Variants in RPH3A observed in about 807,000 individuals in gnomAD.
The protein encoded by RPH3A is rabphilin 3A.
In RPH3A, 48 loss-of-function variants were observed where a neutral mutation model predicts 102.2. The ratio of observed to expected loss-of-function variants is 0.47; its 90% CI spans 0.37 to 0.60. The LOEUF (loss-of-function observed/expected upper bound fraction) is 0.60. Ranked by LOEUF, RPH3A falls within the 20% of genes least tolerant of loss-of-function variation. The pLI, the probability that RPH3A is intolerant of heterozygous loss-of-function variation, is 0.00. For synonymous variants in RPH3A, 310 were observed against 324.3 expected (o/e 0.96, Z 0.47); for missense variants, 781 against 910.1 (o/e 0.86, Z 1.83).
intron 4 of RPH3A, among the ~76,000 whole-genome samples, chr12:112,847,239 C>T (rs779222761): frequency 1.3e-5 from 2 of 152,186 alleles, no homozygotes; most frequent in Non-Finnish European, 2.9e-5. Context: ...GAATTCTAGA[C>T]ATTTATGTGA....
intron 2 of RPH3A, among the ~76,000 whole-genome samples, chr12:112,797,009 C>G (rs2041245528): frequency 6.6e-6 from 1 of 152,042 alleles, no homozygotes. Context: ...GAGATCACAC[C>G]ACTGCACTCC....
intron 4 of RPH3A, among the ~76,000 whole-genome samples, chr12:112,841,171 C>CT (rs1296845841): frequency 0.017 from 137 of 8,260 alleles, 1 homozygote; most frequent in African/African-American, 0.08. Context: ...GACCTTGTTT[C>CT]TTAAAAAAAA....
chr12:112,701,855 C>T (rs1475238243), intron 1 of RPH3A, among the ~76,000 whole-genome samples: 1 of 152,208 alleles, frequency 6.6e-6, no homozygotes, highest in Non-Finnish European at 1.5e-5. Context: ...AAACTTACAG[C>T]AGGGCCCACA....
intron 1 of RPH3A, among the ~76,000 whole-genome samples, chr12:112,676,986 T>C (rs2136013100): frequency 6.6e-6 from 1 of 152,310 alleles, no homozygotes; most frequent in East Asian, 1.9e-4. Context: ...TTCTCCTGTG[T>C]GAGGTTCTCC....
intron 1 of RPH3A, among the ~76,000 whole-genome samples, chr12:112,779,293 A>G (rs1037423875): frequency 6.6e-6 from 1 of 152,282 alleles, no homozygotes; most frequent in East Asian, 1.9e-4. Flanking sequence ...CTCCAGCCAA[A>G]GTCTCTGTCG....
chr12:112,639,835 G>T (rs946783114), intron 1 of RPH3A, among the ~76,000 whole-genome samples: 2 of 152,138 alleles, frequency 1.3e-5, no homozygotes, highest in African/African-American at 4.8e-5. Context: ...CATGACGTCT[G>T]GTAACAAAGG....
At chr12:112,853,907 A>C (rs1261374018) in intron 5 of RPH3A, among the ~76,000 whole-genome samples, 2 of 152,190 alleles carry the variant, frequency 1.3e-5, no homozygotes, top group Admixed American at 6.5e-5. Context: ...GAACAAATAC[A>C]TGTTGAATGA....
chr12:112,802,776 T>TTCCCCAGGGCCTCTGTCCAC (rs1207539372), intron 2 of RPH3A, among the ~76,000 whole-genome samples: 3 of 151,370 alleles, frequency 2.0e-5, no homozygotes, highest in Non-Finnish European at 4.4e-5. Context: ...CCTCTGTCCA[T>TTCCCCAGGGCCTCTGTCCAC]TCCCCAGGGC....
At chr12:112,789,559 C>T (rs2041074980), upstream of RPH3A, among the ~76,000 whole-genome samples, 2 of 152,110 alleles carry the variant, frequency 1.3e-5, no homozygotes, top group South Asian at 4.1e-4. Flanking sequence ...TTCTCATTTG[C>T]AAGATGGGAA....
chr12:112,848,548 G>A (rs113767971), intron 5 of RPH3A, among the ~76,000 whole-genome samples: 2,738 of 152,228 alleles, frequency 0.018, 99 homozygotes, highest in African/African-American at 0.062. Context: ...GGAAATAACA[G>A]TAATTATCCT....
At position 112,639,772 on chromosome 12, in the gene RPH3A, G is replaced by C. The variant is rs115593271; in HGVS notation, c.-140+64453G>C. Reference sequence around the variant, plus strand: ...TCCCAAACCTGATCTGTACACATCAGACTGACACCTTTATCACAGGGGTAG... The same window carrying C: ...TCCCAAACCTGATCTGTACACATCACACTGACACCTTTATCACAGGGGTAG... On this transcript the variant is annotated intron_variant, in intron 1 of 21. Coordinates refer to the RPH3A transcript ENST00000543106. Among the ~76,000 whole-genome samples the C allele has an allele frequency of 7.8e-3, 1,184 of 152,278 alleles. 11 individuals are homozygous for C. Among genetic ancestry groups the C allele is most frequent in the African/African-American group, 0.027 (1,126 of 41,550 alleles).
intron 1 of RPH3A, among the ~76,000 whole-genome samples, chr12:112,677,582 G>A (rs2136013812): frequency 6.6e-6 from 1 of 151,044 alleles, no homozygotes. Flanking sequence ...TTACAGTTGT[G>A]AGCCACCCCA....
chr12:112,763,953 TATC>T (rs1215377842), intron 1 of RPH3A, among the ~76,000 whole-genome samples: 1 of 152,228 alleles, frequency 6.6e-6, no homozygotes. Context: ...CCTGTCCTGT[TATC>T]ATGGGGGAGG....
chr12:112,765,937 T>C (rs1488140662), intron 1 of RPH3A, among the ~76,000 whole-genome samples: 1 of 152,216 alleles, frequency 6.6e-6, no homozygotes, highest in Non-Finnish European at 1.5e-5. Context: ...TGGGCTTCAT[T>C]GCAACTCAGA....
At chr12:112,814,763 A>G (rs1384440958) in intron 2 of RPH3A, among the ~76,000 whole-genome samples, 1 of 152,172 alleles carries the variant, frequency 6.6e-6, no homozygotes, top group Non-Finnish European at 1.5e-5. Flanking sequence ...AGTGGTGAAG[A>G]TCAAATGAGG....
intron 1 of RPH3A, among the ~76,000 whole-genome samples, chr12:112,676,597 T>G: frequency 6.6e-6 from 1 of 152,182 alleles, no homozygotes; most frequent in East Asian, 1.9e-4. Flanking sequence ...CTTCATTCCC[T>G]TTTGTCGGCT....
intron 1 of RPH3A, among the ~76,000 whole-genome samples, chr12:112,645,000 G>A (rs2039917689): frequency 1.3e-5 from 2 of 152,114 alleles, no homozygotes; most frequent in Admixed American, 6.6e-5. Context: ...AGACTCCCAG[G>A]CATTTTATAT....
At chr12:112,787,979 C>A (rs117720326), upstream of RPH3A, among the ~76,000 whole-genome samples, 60 of 152,346 alleles carry the variant, frequency 3.9e-4, no homozygotes, top group East Asian at 0.011. Context: ...TTGAATGAAG[C>A]CTCGAGAGAG....
intron 1 of RPH3A, among the ~76,000 whole-genome samples, chr12:112,599,207 G>A (rs1387025748): frequency 6.6e-6 from 1 of 152,216 alleles, no homozygotes; most frequent in African/African-American, 2.4e-5. Flanking sequence ...ATGTGGCCAA[G>A]ATGGCAGCTG....
Sources: allele counts gnomAD v4.1 joint callset (sites outside exome capture counted in the v4.1 genomes callset), GRCh38; gene constraint gnomAD v4.1.1; transcripts MANE v1.5; gene names NCBI Gene and HGNC (gene_info 2026-07-23, HGNC 2026-07-21).